The following EGFLAM variants were observed in gnomAD, a reference collection of about 807,000 sequenced individuals.
The protein encoded by EGFLAM is EGF like, fibronectin type III and laminin G domains.
Under a neutral mutation model 113.1 loss-of-function variants are expected in EGFLAM, and 79 were observed. The ratio of observed to expected loss-of-function variants is 0.70; its 90% CI spans 0.58 to 0.84. The LOEUF (loss-of-function observed/expected upper bound fraction) is 0.84, where lower values mean the gene tolerates loss of function less well. Ranked by LOEUF, EGFLAM falls within the 40% of genes least tolerant of loss-of-function variation. The pLI is 0.00. For synonymous variants in EGFLAM, 504 were observed against 487.6 expected (o/e 1.03, Z -0.44); for missense variants, 1,265 against 1,291.6 (o/e 0.98, Z 0.32).
chr5:38,403,097 G>A (rs1741166612), intron 6 of EGFLAM: 2 of 152,206 alleles, frequency 1.3e-5, no homozygotes, highest in African/African-American at 4.8e-5. Context: ...TTCTGAATAT[G>A]TGAGAGAGGC....
At chr5:38,459,124 T>C (rs1349147933) in intron 20 of EGFLAM, among the ~76,000 whole-genome samples, 1 of 152,034 alleles carries the variant, frequency 6.6e-6, no homozygotes, top group African/African-American at 2.4e-5. Context: ...GCAGCCTCGC[T>C]TGACCTCCCA....
intron 3 of EGFLAM, among the ~76,000 whole-genome samples, chr5:38,350,086 A>G (rs1165248364): frequency 6.6e-6 from 1 of 152,226 alleles, no homozygotes; most frequent in Admixed American, 6.5e-5. Context: ...TTCTAGGTAC[A>G]AATCAAGACC....
At chr5:38,441,735 T>C (rs145094311) in intron 17 of EGFLAM, among the ~76,000 whole-genome samples, 171 of 152,316 alleles carry the variant, frequency 1.1e-3, no homozygotes, top group African/African-American at 3.9e-3. Context: ...GCCTTTGCTA[T>C]GCTCTGAGCG....
At chr5:38,456,830 A>T (rs940164531) in intron 19 of EGFLAM, among the ~76,000 whole-genome samples, 2 of 152,204 alleles carry the variant, frequency 1.3e-5, no homozygotes, top group African/African-American at 4.8e-5. Flanking sequence ...ATGAGGAGGG[A>T]GTCATCCCAG....
chr5:38,463,151 A>C, intron 21 of EGFLAM, 140 bp downstream of exon 21: 1 of 805,932 alleles, frequency 1.2e-6, no homozygotes, highest in Non-Finnish European at 1.9e-6. Flanking sequence ...CCATTCCTTC[A>C]TTTTCTGAAC....
intron 1 of EGFLAM, among the ~76,000 whole-genome samples, chr5:38,298,242 A>G (rs1217619262): frequency 6.6e-6 from 1 of 152,206 alleles, no homozygotes; most frequent in East Asian, 1.9e-4. Context: ...TGGCATTGTT[A>G]AAGGCTTTGG....
chr5:38,343,978 T>C (rs990813741), intron 3 of EGFLAM, among the ~76,000 whole-genome samples: 9 of 152,204 alleles, frequency 5.9e-5, no homozygotes, highest in Non-Finnish European at 1.3e-4. Flanking sequence ...CTCTATTCAA[T>C]TCATGCCTCC....
At chr5:38,261,695 C>T (rs191323394) in intron 1 of EGFLAM, among the ~76,000 whole-genome samples, 1 of 152,148 alleles carries the variant, frequency 6.6e-6, no homozygotes, top group Non-Finnish European at 1.5e-5. Flanking sequence ...GGGGATCCTG[C>T]GTTGCTCTTA....
intron 6 of EGFLAM, among the ~76,000 whole-genome samples, chr5:38,399,185 C>T (rs1741038220): frequency 6.6e-6 from 1 of 152,032 alleles, no homozygotes; most frequent in South Asian, 2.1e-4. Flanking sequence ...TTCCACTATG[C>T]TAGGTGGAGA....
At chr5:38,358,989 A>G (rs1327709452) in intron 5 of EGFLAM, among the ~76,000 whole-genome samples, 1 of 152,236 alleles carries the variant, frequency 6.6e-6, no homozygotes, top group African/African-American at 2.4e-5. Flanking sequence ...TGGGGGCAGC[A>G]ATTCTTAGTG....
chr5:38,283,644 G>A (rs891939440), intron 1 of EGFLAM, among the ~76,000 whole-genome samples: 1 of 152,102 alleles, frequency 6.6e-6, no homozygotes, highest in African/African-American at 2.4e-5. Context: ...GCTAGTTAGT[G>A]GTAGAATCAG....
At chr5:38,350,444 A>G in intron 3 of EGFLAM, 57 bp from the exon 4 acceptor site, 1 of 1,535,246 alleles carries the variant, frequency 6.5e-7, no homozygotes, top group Non-Finnish European at 9.0e-7. Flanking sequence ...GAAATTGTAC[A>G]ATTTGCCCAA....
chr5:38,401,262 A>G (rs1186180325), intron 6 of EGFLAM: 1 of 152,154 alleles, frequency 6.6e-6, no homozygotes, highest in Non-Finnish European at 1.5e-5. Context: ...TCAGCCACCT[A>G]CACTCTAACC....
rs756886432 is a variant in EGFLAM, at chr5:38,427,021, C to G, written c.1823C>G (p.Thr608Ser). 7 of 1,613,844 alleles carry G rather than the reference C, an allele frequency of 4.3e-6. No individual in the cohort carries two copies. Among genetic ancestry groups the G allele is most frequent in the Non-Finnish European group, 1.7e-6 (2 of 1,179,992 alleles). Residue 608 changes from threonine to serine, a missense_variant, in exon 14 of 22, where the codon ACC (threonine) becomes AGC (serine). Physicochemically the swap from Thr to Ser is moderately conservative, Grantham distance 58. Transcript: ENST00000322350. ...CTTGTTTTTTCAGCTTTCACCTTGA[C>G]CATTCCTCAGTTCAGAGAGTCTCTG... is the stretch of plus-strand genomic sequence containing the variant. ...GRHCEDAFTL[T>S]IPQFRESLRS...
At chr5:38,336,861 A>G (rs1337025748) in intron 1 of EGFLAM, among the ~76,000 whole-genome samples, 1 of 152,174 alleles carries the variant, frequency 6.6e-6, no homozygotes, top group East Asian at 1.9e-4. Context: ...TTTAAATTGC[A>G]TGTGACCAAC....
At chr5:38,306,427 T>C (rs1159319031) in intron 1 of EGFLAM, among the ~76,000 whole-genome samples, 1 of 152,190 alleles carries the variant, frequency 6.6e-6, no homozygotes, top group Non-Finnish European at 1.5e-5. Context: ...TGGCCTGGCC[T>C]GGCCTGGCCT....
intron 12 of EGFLAM, among the ~76,000 whole-genome samples, chr5:38,423,575 C>T (rs1378705333): frequency 6.6e-6 from 1 of 152,206 alleles, no homozygotes; most frequent in African/African-American, 2.4e-5. Context: ...TCACAACCCA[C>T]AGAAATTGGC....
chr5:38,325,586 C>T (rs532298807), intron 1 of EGFLAM, among the ~76,000 whole-genome samples: 6 of 152,304 alleles, frequency 3.9e-5, no homozygotes, highest in African/African-American at 1.4e-4. Flanking sequence ...TACAAAGGCA[C>T]CTCCCTCTCT....
At chr5:38,376,828 G>A (rs1294624729) in intron 6 of EGFLAM, among the ~76,000 whole-genome samples, 1 of 151,914 alleles carries the variant, frequency 6.6e-6, no homozygotes, top group African/African-American at 2.4e-5. Context: ...ATACCATCAC[G>A]CCTGACTAAT....
Sources: allele counts gnomAD v4.1 joint callset (sites outside exome capture counted in the v4.1 genomes callset), GRCh38; gene constraint gnomAD v4.1.1; transcripts MANE v1.5; gene names NCBI Gene and HGNC (gene_info 2026-07-23, HGNC 2026-07-21).